The following DDX60 variants were observed in gnomAD, a reference collection of about 807,000 sequenced individuals.
DDX60 encodes probable ATP-dependent RNA helicase DDX60.
DDX60 carries 165 observed loss-of-function variants against 212.8 expected under a neutral mutation model. That is an observed-to-expected ratio of 0.78 (90% CI 0.68 to 0.88). The LOEUF is 0.88. Among genes scored for constraint, DDX60 ranks in the 40% least tolerant of loss-of-function variants. The pLI is 0.00. For synonymous variants in DDX60, 703 were observed against 685.3 expected, an observed-to-expected ratio of 1.03 and a Z score of -0.40; for missense variants, 1,905 against 2,003.9, an observed-to-expected ratio of 0.95 and a Z score of 0.94.
intron 14 of DDX60, among the ~76,000 whole-genome samples, chr4:168,277,209 G>A (rs114881753): frequency 3.4e-3 from 525 of 152,252 alleles, no homozygotes; most frequent in African/African-American, 0.012. Context: ...TTATAAAGTA[G>A]AGCACATGGT....
At chr4:168,220,617 T>C (rs1560807039) in intron 37 of DDX60, 38 bp downstream of exon 37, 2 of 1,134,312 alleles carry the variant, frequency 1.8e-6, no homozygotes, top group Non-Finnish European at 2.5e-6. Flanking sequence ...AATAAATTAT[T>C]AAAAAATCTA....
intron 28 of DDX60, among the ~76,000 whole-genome samples, chr4:168,248,761 ATTT>A (rs371912102): frequency 6.8e-6 from 1 of 146,418 alleles, no homozygotes; most frequent in Middle Eastern, 3.3e-3. Flanking sequence ...GTGTTCAGTA[ATTT>A]TTTTTTTTTT....
At chr4:168,307,599 G>A (rs1188806903) in intron 4 of DDX60, among the ~76,000 whole-genome samples, 1 of 151,920 alleles carries the variant, frequency 6.6e-6, no homozygotes. Flanking sequence ...ATGCACCACC[G>A]TGCCCAGCCA....
intron 11 of DDX60, 55 bp from the exon 12 acceptor site, chr4:168,284,990 C>T: frequency 1.2e-6 from 1 of 851,470 alleles, no homozygotes; most frequent in Non-Finnish European, 1.8e-6. Flanking sequence ...TATAACACAG[C>T]ACAGATTTTA....
rs751708750 is a variant in DDX60 at position 168,252,568 on chromosome 4, T to C, written c.3646A>G (p.Lys1216Glu). 7 of 1,614,046 alleles carry C rather than the reference T, an allele frequency of 4.3e-6. No homozygotes were observed. Among genetic ancestry groups the C allele is most frequent in the Middle Eastern group, 1.7e-4 (1 of 6,060 alleles). ...EHDNLVKCLE[K>E]NLEIPQDCTY... is the part of the protein sequence containing the mutation. The stretch of plus-strand genomic sequence containing the variant: ...CAGTCCTGTGGGATTTCCAGGTTCT[T>C]CTCTAGACACTTCACTAGATTATCA... Residue 1216 changes from lysine to glutamate, a missense_variant, in exon 27 of 38, where the codon AAG becomes GAG. Transcript: ENST00000393743.
chr4:168,288,161 A>ACTGAGATG lies in DDX60; in HGVS notation c.1183+5_1183+12dup. The ACTGAGATG allele has an allele frequency of 1.4e-6, 2 of 1,434,126 alleles. No homozygotes were observed. Among genetic ancestry groups the ACTGAGATG allele is most frequent in the Non-Finnish European group, 1.9e-6 (2 of 1,057,150 alleles). 88.8% of individuals were successfully genotyped at this position (1,434,126 alleles called of 1,614,324 possible). ...GTGGATGGAAGTATGATTATAATAT[A>ACTGAGATG]CTGAGATGGTACCTTTTACATTTTC... On this transcript the variant is annotated intron_variant, in intron 9 of 37. Coordinates refer to ENST00000393743, the MANE Select transcript of DDX60 (RefSeq NM_017631.6).
At chr4:168,276,323 T>TA (rs1280604879) in intron 14 of DDX60, 142 bp from the exon 15 acceptor site, 3 of 604,718 alleles carry the variant, frequency 5.0e-6, no homozygotes, top group Non-Finnish European at 8.2e-6. Context: ...CCAAATAAAG[T>TA]AAAATTGAAG....
chr4:168,261,498 A>G (rs946596085), intron 24 of DDX60, among the ~76,000 whole-genome samples: 1 of 152,248 alleles, frequency 6.6e-6, no homozygotes, highest in Non-Finnish European at 1.5e-5. Flanking sequence ...CTGTGCCAAT[A>G]AATCAAATTT....
At chr4:168,323,510 T>C (rs984540780), upstream of DDX60, among the ~76,000 whole-genome samples, 3 of 152,136 alleles carry the variant, frequency 2.0e-5, no homozygotes, top group Admixed American at 6.5e-5. Flanking sequence ...TACCGATATA[T>C]AGGCAAGGTG....
At chr4:168,259,667 A>T (rs778594946) in intron 25 of DDX60, among the ~76,000 whole-genome samples, 110 of 150,462 alleles carry the variant, frequency 7.3e-4, no homozygotes, top group Non-Finnish European at 7.2e-4. Flanking sequence ...TTCTAGTCCC[A>T]AACTATGTTA....
intron 10 of DDX60, among the ~76,000 whole-genome samples, 156 bp downstream of exon 10, chr4:168,286,892 C>T (rs1254500252): frequency 2.0e-5 from 3 of 151,952 alleles, no homozygotes; most frequent in East Asian, 3.8e-4. Flanking sequence ...CACAGCATAC[C>T]ACTCCAAGGA....
intron 12 of DDX60, 88 bp from the exon 13 acceptor site, chr4:168,283,694 G>A: frequency 3.3e-6 from 3 of 910,958 alleles, no homozygotes; most frequent in Non-Finnish European, 4.8e-6. Context: ...ACATCCAGTA[G>A]TTAAATTAGT....
the DDX60 span, among the ~76,000 whole-genome samples, chr4:168,324,120 C>T: frequency 6.6e-6 from 1 of 152,150 alleles, no homozygotes; most frequent in African/African-American, 2.4e-5. Context: ...GCCAGAGAGC[C>T]CAAGTTTGGC....
the DDX60 span, among the ~76,000 whole-genome samples, chr4:168,325,142 C>T: frequency 6.6e-6 from 1 of 152,058 alleles, no homozygotes; most frequent in Non-Finnish European, 1.5e-5. Flanking sequence ...TGTGAGGAGC[C>T]ATTCATTCTT....
intron 33 of DDX60, among the ~76,000 whole-genome samples, chr4:168,228,789 A>AT (rs1187966339): frequency 6.6e-6 from 1 of 151,626 alleles, no homozygotes; most frequent in Non-Finnish European, 1.5e-5. Flanking sequence ...CAAATTTTGG[A>AT]TTTTTTCTAT....
intron 14 of DDX60, among the ~76,000 whole-genome samples, chr4:168,277,397 A>G (rs890227271): frequency 5.5e-4 from 83 of 152,030 alleles, no homozygotes; most frequent in Middle Eastern, 3.4e-3. Flanking sequence ...TTCTTTTTGC[A>G]CCCGTCTTTG....
chr4:168,235,513 T>A (rs557359593), intron 33 of DDX60, among the ~76,000 whole-genome samples: 15 of 152,244 alleles, frequency 9.9e-5, no homozygotes, highest in African/African-American at 3.4e-4. Context: ...GATAGGTCAA[T>A]GACTAAAATT....
At chr4:168,300,903 C>T (rs754080501) in intron 6 of DDX60, among the ~76,000 whole-genome samples, 1 of 151,986 alleles carries the variant, frequency 6.6e-6, no homozygotes, top group Non-Finnish European at 1.5e-5. Context: ...TTAGCAATTA[C>T]AAAATTACTA....
chr4:168,280,645 C>G, intron 13 of DDX60, 55 bp from the exon 14 acceptor site: 1 of 1,540,236 alleles, frequency 6.5e-7, no homozygotes, highest in Admixed American at 2.0e-5. Flanking sequence ...TCCAAGATAA[C>G]AGGTCATGAG....
Sources: allele counts gnomAD v4.1 joint callset (sites outside exome capture counted in the v4.1 genomes callset), GRCh38; gene constraint gnomAD v4.1.1; transcripts MANE v1.5; gene names NCBI Gene and HGNC (gene_info 2026-07-23, HGNC 2026-07-21).